The following ICA1 variants were observed in gnomAD, a reference collection of about 807,000 sequenced individuals.
ICA1 encodes 69 kDa islet cell autoantigen.
A neutral mutation model predicts 71.0 loss-of-function variants in ICA1; 40 were observed. The observed-to-expected ratio is 0.56, with a 90% CI of 0.44 to 0.73. ICA1 has a LOEUF of 0.73. Among genes scored for constraint, ICA1 ranks in the 30% least tolerant of loss-of-function variants. The probability of loss-of-function intolerance (pLI) is 0.00; values close to 1 mark genes in which losing one functional copy is unlikely to be tolerated. For synonymous variants in ICA1, 207 were observed against 209.5 expected (o/e 0.99, Z 0.10); for missense variants, 578 against 576.5 (o/e 1.00, Z -0.03).
chr7:8,246,514 TGA>T (rs1304617579), intron 1 of ICA1, among the ~76,000 whole-genome samples: 3 of 152,180 alleles, frequency 2.0e-5, no homozygotes, highest in Non-Finnish European at 4.4e-5. Context: ...TAGGTGACAC[TGA>T]GACTACCAAC....
At chr7:8,242,261 T>G (rs546495365) in intron 1 of ICA1, among the ~76,000 whole-genome samples, 1 of 152,250 alleles carries the variant, frequency 6.6e-6, no homozygotes, top group Non-Finnish European at 1.5e-5. Context: ...ATTAAGAAAC[T>G]CACTCAAAAT....
chr7:8,221,438 C>T, intron 4 of ICA1, 40 bp from the exon 5 acceptor site: 1 of 1,605,800 alleles, frequency 6.2e-7, no homozygotes, highest in Non-Finnish European at 8.5e-7. Flanking sequence ...GAACAATGAG[C>T]ATTTTGATTG....
chr7:8,157,080 C>A lies in ICA1; in HGVS notation c.804+36G>T, dbSNP rs760483120. Reference sequence around the variant, plus strand: ...GTGATATAAACAAAACTTTACTTTTCTCAAGATTTTCTAGTGGCCCCTCTA... The same window carrying A: ...GTGATATAAACAAAACTTTACTTTTATCAAGATTTTCTAGTGGCCCCTCTA... On this transcript the variant is annotated intron_variant, in intron 8 of 13. Transcript: ENST00000402384. 21 of 1,613,970 alleles carry A rather than the reference C, an allele frequency of 1.3e-5. No individual in the cohort carries two copies. The Admixed American group carries it at 2.8e-4, about 22-fold the overall frequency.
intron 6 of ICA1, among the ~76,000 whole-genome samples, chr7:8,186,246 G>A (rs938837513): frequency 6.6e-6 from 1 of 152,196 alleles, no homozygotes; most frequent in African/African-American, 2.4e-5. Flanking sequence ...ACAATTTATT[G>A]TCCAAACAGG....
At chr7:8,162,476 T>C (rs981748756) in intron 6 of ICA1, among the ~76,000 whole-genome samples, 3 of 152,192 alleles carry the variant, frequency 2.0e-5, no homozygotes, top group Non-Finnish European at 4.4e-5. Flanking sequence ...GAAAACACAT[T>C]TCCAGCCTGA....
At chr7:8,205,307 T>A (rs879292761) in intron 6 of ICA1, among the ~76,000 whole-genome samples, 4 of 152,192 alleles carry the variant, frequency 2.6e-5, no homozygotes, top group Non-Finnish European at 5.9e-5. Flanking sequence ...AAATTAAAGA[T>A]GTTTTCAATG....
chr7:8,206,044 C>T (rs1791428804), intron 6 of ICA1, among the ~76,000 whole-genome samples: 1 of 151,964 alleles, frequency 6.6e-6, no homozygotes. Context: ...AGGATTTTCT[C>T]CACGTTCTCA....
chr7:8,127,850 A>G (rs1400737595), intron 13 of ICA1, 23 bp downstream of exon 13: 3 of 1,565,018 alleles, frequency 1.9e-6, no homozygotes, highest in Non-Finnish European at 2.6e-6. Flanking sequence ...AAAAAACCCC[A>G]TTTCAATCCC....
intron 6 of ICA1, among the ~76,000 whole-genome samples, chr7:8,182,082 G>A (rs531102834): frequency 7.2e-5 from 11 of 151,958 alleles, no homozygotes; most frequent in African/African-American, 2.4e-4. Context: ...CCCACTTCTG[G>A]GCTTTCACAT....
chr7:8,115,481 C>G (rs996124773), intron 13 of ICA1, among the ~76,000 whole-genome samples: 5 of 152,164 alleles, frequency 3.3e-5, no homozygotes, highest in Non-Finnish European at 7.4e-5. Context: ...ATGCTTGTTT[C>G]CCCTTCCTTC....
chr7:8,140,679 T>C (rs1794906035), intron 10 of ICA1, among the ~76,000 whole-genome samples: 1 of 152,182 alleles, frequency 6.6e-6, no homozygotes, highest in African/African-American at 2.4e-5. Flanking sequence ...AATAAACATC[T>C]GTTGAACAAA....
intron 6 of ICA1, among the ~76,000 whole-genome samples, chr7:8,187,778 T>C (rs1204321730): frequency 6.6e-6 from 1 of 152,238 alleles, no homozygotes; most frequent in African/African-American, 2.4e-5. Context: ...TAAACTTCTT[T>C]GTTAAAAACT....
In ICA1 at chr7:8,113,772, T is replaced by G. The variant is rs761392983; in HGVS notation, c.*151A>C. ...CTTTATACCAAATAAGAGTAAATAATTATACCAATATAAACAGGGCCGTTG... is the reference window on the plus strand; with the variant it reads ...CTTTATACCAAATAAGAGTAAATAAGTATACCAATATAAACAGGGCCGTTG... On this transcript the variant is annotated 3_prime_UTR_variant, in exon 14 of 14. Coordinates refer to ENST00000402384, the MANE Select transcript of ICA1 (RefSeq NM_001136020.3). This position sits in a 1 kb window ranked among gnomAD's most constrained non-coding sequence, Gnocchi z 4.2. 3.4e-4 allele frequency: 253 copies of G among 737,684 alleles called. No individual in the cohort carries two copies. The highest frequency in any genetic ancestry group is 5.4e-4 in the Non-Finnish European group (242 of 449,694). The allele number at this position is 737,684 out of a possible 1,614,324, so 45.7% of individuals were successfully genotyped here. A position where few individuals can be genotyped will look rare whatever the true frequency, so the allele number is the denominator to read the frequency against.
intron 6 of ICA1, among the ~76,000 whole-genome samples, chr7:8,174,835 C>T (rs191258460): frequency 1.3e-5 from 2 of 150,868 alleles, no homozygotes; most frequent in East Asian, 1.9e-4. Flanking sequence ...AACACAAACA[C>T]GTCCACTCTT....
At chr7:8,256,765 T>C (rs771102958) in intron 1 of ICA1, among the ~76,000 whole-genome samples, 11 of 152,196 alleles carry the variant, frequency 7.2e-5, no homozygotes, top group Non-Finnish European at 1.0e-4. Flanking sequence ...AAGTTCATCT[T>C]TGCCTCCTTA....
intron 7 of ICA1, 118 bp from the exon 8 acceptor site, chr7:8,157,332 T>C (rs1584691593): frequency 1.0e-6 from 1 of 1,003,804 alleles, no homozygotes; most frequent in Non-Finnish European, 1.4e-6. Flanking sequence ...TTCTAACTCA[T>C]TTCCATGCTT....
chr7:8,219,905 T>G (rs529293744), intron 5 of ICA1, among the ~76,000 whole-genome samples: 1 of 152,234 alleles, frequency 6.6e-6, no homozygotes, highest in African/African-American at 2.4e-5. Flanking sequence ...GATAATTATA[T>G]GTTTAACACA....
intron 6 of ICA1, among the ~76,000 whole-genome samples, chr7:8,209,813 T>C (rs887697060): frequency 6.6e-6 from 1 of 152,098 alleles, no homozygotes; most frequent in East Asian, 1.9e-4. Context: ...AGAAGGGAAT[T>C]TCTGGTGGGA....
chr7:8,244,133 G>A (rs904716749), intron 1 of ICA1, among the ~76,000 whole-genome samples: 1 of 152,176 alleles, frequency 6.6e-6, no homozygotes, highest in Non-Finnish European at 1.5e-5. Context: ...AAACCTGGAG[G>A]CATCACGCTA....
Sources: allele counts gnomAD v4.1 joint callset (sites outside exome capture counted in the v4.1 genomes callset), GRCh38; gene constraint gnomAD v4.1.1; non-coding constraint Gnocchi (gnomAD v3.1); transcripts MANE v1.5; gene names NCBI Gene and HGNC (gene_info 2026-07-23, HGNC 2026-07-21).